The following CNTN6 variants were observed in gnomAD, a reference collection of about 807,000 sequenced individuals.
The protein encoded by CNTN6 is contactin 6.
CNTN6 carries 137 observed loss-of-function variants against 122.8 expected under a neutral mutation model. The observed-to-expected ratio is 1.12, with a 90% CI of 0.97 to 1.29. The LOEUF (loss-of-function observed/expected upper bound fraction) is 1.29, where lower values mean the gene tolerates loss of function less well. Ranked by LOEUF, CNTN6 falls within the 50% of genes most tolerant of loss-of-function variation. The pLI is 0.00. For synonymous variants in CNTN6, 570 were observed against 426.0 expected (o/e 1.34, Z -4.16); for missense variants, 1,634 against 1,223.4 (o/e 1.34, Z -5.01).
rs557706732 is a variant in CNTN6 at position 1,397,642 on chromosome 3, A to T, written c.2705-3791A>T. On this transcript the variant is annotated intron_variant, in intron 20 of 22. Coordinates refer to ENST00000446702, the MANE Select transcript of CNTN6 (RefSeq NM_001289080.2). ...CCAAGCAGAAAAGAAAAGTGAAACA[A>T]ACAAAACACTACTTATGTGGAAAGA... Among the ~76,000 whole-genome samples, 19 of 152,266 alleles carry T rather than the reference A, an allele frequency of 1.2e-4. No homozygotes were observed. The East Asian group carries it at 3.3e-3, about 26-fold the overall frequency.
At chr3:1,281,029 C>T (rs977712910) in intron 5 of CNTN6, among the ~76,000 whole-genome samples, 3 of 152,104 alleles carry the variant, frequency 2.0e-5, no homozygotes, top group Non-Finnish European at 4.4e-5. Context: ...TGTGAGGGCT[C>T]ACCTGATACA....
intron 2 of CNTN6, among the ~76,000 whole-genome samples, chr3:1,218,267 A>G (rs4684090): frequency 0.084 from 12,777 of 152,072 alleles, 653 homozygotes; most frequent in Non-Finnish European, 0.12. Flanking sequence ...TGAAGGCAGA[A>G]GCCTGGAGTC....
At chr3:1,200,333 T>C (rs185414389) in intron 2 of CNTN6, among the ~76,000 whole-genome samples, 21 of 152,268 alleles carry the variant, frequency 1.4e-4, no homozygotes, top group African/African-American at 4.6e-4. Context: ...CGTGCCTGGC[T>C]CAGCATGTAT....
intron 1 of CNTN6, among the ~76,000 whole-genome samples, chr3:1,099,562 T>G (rs1268130183): frequency 6.6e-6 from 1 of 152,252 alleles, no homozygotes; most frequent in African/African-American, 2.4e-5. Context: ...TTTAATTTAT[T>G]GAAAATATTC....
Position 1,295,762 on chromosome 3 carries a change from A to C in CNTN6, c.616A>C (p.Ser206Arg). 1 of 1,614,032 alleles carries C rather than the reference A, an allele frequency of 6.2e-7. No individual in the cohort carries two copies. The highest frequency in any genetic ancestry group is 1.1e-5 in the South Asian group (1 of 91,080). ...CFITNKEAQR[S>R]VQGPPTPLVQ... is the part of the protein sequence containing the mutation. ...TATAACTAACAAAGAGGCCCAGAGA[A>C]GTGTTCAAGGTCCACCCACTCCATT... is the stretch of plus-strand genomic sequence containing the variant. The change falls in exon 6 of 23, where the codon AGT becomes CGT. Residue 206 changes from serine to arginine, a missense_variant. Ser to Arg is a moderately radical substitution (Grantham distance 110). Transcript: ENST00000446702.
rs1695994853 is a variant in CNTN6 at position 1,403,476 on chromosome 3, C to T, written c.*58C>T. 2.9e-6 allele frequency: 3 copies of T among 1,038,886 alleles called. No individual in the cohort carries two copies. In the African/African-American group the frequency reaches 4.8e-5, roughly 16 times the overall value. 64.4% of individuals were successfully genotyped at this position (1,038,886 alleles called of 1,614,324 possible). ...GAAAGCAAATCATTCTGTATATATGCTCTCCAGCCTCTGACACAAGATGCG... is the reference window on the plus strand; with the variant it reads ...GAAAGCAAATCATTCTGTATATATGTTCTCCAGCCTCTGACACAAGATGCG... On this transcript the variant is annotated 3_prime_UTR_variant, in exon 23 of 23. Coordinates refer to ENST00000446702, the MANE Select transcript of CNTN6 (RefSeq NM_001289080.2).
chr3:1,345,957 G>C (rs1704621317), intron 11 of CNTN6, among the ~76,000 whole-genome samples: 1 of 150,860 alleles, frequency 6.6e-6, no homozygotes, highest in African/African-American at 2.4e-5. Flanking sequence ...TCAGCAATAA[G>C]AAATTATAAT....
intron 5 of CNTN6, among the ~76,000 whole-genome samples, chr3:1,288,497 C>G (rs188359063): frequency 4.7e-4 from 71 of 152,316 alleles, no homozygotes; most frequent in Non-Finnish European, 7.3e-5. Context: ...CCCTGGAGCA[C>G]TACACAAGGT....
intron 12 of CNTN6, among the ~76,000 whole-genome samples, chr3:1,367,972 A>T (rs969799950): frequency 6.6e-6 from 1 of 152,228 alleles, no homozygotes; most frequent in African/African-American, 2.4e-5. Flanking sequence ...CCTGAGCACC[A>T]GAACAGAAAT....
chr3:1,209,099 T>C (rs2125463533), intron 2 of CNTN6, among the ~76,000 whole-genome samples: 1 of 152,318 alleles, frequency 6.6e-6, no homozygotes, highest in South Asian at 2.1e-4. Flanking sequence ...ATAATTTACT[T>C]TATGATCTGC....
intron 2 of CNTN6, among the ~76,000 whole-genome samples, chr3:1,206,114 T>C (rs1011999469): frequency 6.6e-6 from 1 of 152,140 alleles, no homozygotes; most frequent in African/African-American, 2.4e-5. Context: ...CTCTGCAATC[T>C]TTCCATGTCC....
intron 20 of CNTN6, among the ~76,000 whole-genome samples, chr3:1,397,699 C>T (rs1390664378): frequency 6.6e-6 from 1 of 152,092 alleles, no homozygotes; most frequent in Admixed American, 6.6e-5. Context: ...AAAGTGTTTG[C>T]AAATGTTGGC....
At chr3:1,251,023 C>A (rs193205113) in intron 4 of CNTN6, among the ~76,000 whole-genome samples, 52 of 152,270 alleles carry the variant, frequency 3.4e-4, no homozygotes, top group African/African-American at 1.2e-3. Context: ...TTCTCATCCC[C>A]TAAACTCCAA....
intron 2 of CNTN6, among the ~76,000 whole-genome samples, chr3:1,189,613 T>C (rs1575169586): frequency 6.6e-6 from 1 of 152,304 alleles, no homozygotes. Context: ...AACTTTAGAT[T>C]ATATATACCT....
intron 4 of CNTN6, among the ~76,000 whole-genome samples, chr3:1,229,467 G>A (rs2094326606): frequency 6.6e-6 from 1 of 152,006 alleles, no homozygotes. Context: ...ATACCCTCGA[G>A]TTTCTCTACA....
At chr3:1,108,844 G>T (rs2091346839) in intron 1 of CNTN6, among the ~76,000 whole-genome samples, 1 of 151,956 alleles carries the variant, frequency 6.6e-6, no homozygotes, top group South Asian at 2.1e-4. Context: ...GTAAATACAA[G>T]AATTAAATTC....
intron 20 of CNTN6, chr3:1,394,566 A>C (rs1694744525): frequency 6.6e-6 from 1 of 152,382 alleles, no homozygotes; most frequent in African/African-American, 2.4e-5. Context: ...GTGTCTTTGA[A>C]GTCGCTCTGT....
chr3:1,169,535 G>A (rs574220281), intron 2 of CNTN6, among the ~76,000 whole-genome samples: 17 of 152,318 alleles, frequency 1.1e-4, no homozygotes, highest in African/African-American at 3.6e-4. Context: ...TTAACGAGGG[G>A]CTAGAAAAAT....
At chr3:1,194,385 T>C in intron 2 of CNTN6, among the ~76,000 whole-genome samples, 1 of 152,144 alleles carries the variant, frequency 6.6e-6, no homozygotes, top group Non-Finnish European at 1.5e-5. Context: ...CTGGGTTTTC[T>C]TAGCATTCTC....
Sources: allele counts gnomAD v4.1 joint callset (sites outside exome capture counted in the v4.1 genomes callset), GRCh38; gene constraint gnomAD v4.1.1; transcripts MANE v1.5; gene names NCBI Gene and HGNC (gene_info 2026-07-23, HGNC 2026-07-21).